MAP2K4: variants seen among roughly 807,000 people sequenced by gnomAD.
MAP2K4 encodes the protein dual specificity mitogen-activated protein kinase kinase 4.
A neutral mutation model predicts 48.5 loss-of-function variants in MAP2K4; 4 were observed. The observed-to-expected ratio is 0.08, with a 90% confidence interval of 0.04 to 0.19. The LOEUF is 0.19. Ranked by LOEUF, MAP2K4 falls within the 10% of genes least tolerant of loss-of-function variation. The probability of loss-of-function intolerance (pLI) is 1.00; values close to 1 mark genes in which losing one functional copy is unlikely to be tolerated. For missense variants in MAP2K4, 258 were observed against 493.3 expected (o/e 0.52, Z 4.52); for synonymous variants, 166 against 173.1 (o/e 0.96, Z 0.32).
At chr17:12,045,232 GA>G (rs1969926643) in intron 1 of MAP2K4, among the ~76,000 whole-genome samples, 1 of 152,012 alleles carries the variant, frequency 6.6e-6, no homozygotes, top group South Asian at 2.1e-4. Context: ...AGCACTGATT[GA>G]AAAAATATTG....
At position 12,081,597 on chromosome 17, in the gene MAP2K4, C is replaced by A. The variant is rs1971187487; in HGVS notation, c.393+67C>A. 6.8e-7 allele frequency: 1 copy of A among 1,480,390 alleles called. No homozygotes were observed. The highest frequency in any genetic ancestry group is 1.2e-5 in the South Asian group (1 of 81,192). The allele number at this position is 1,480,390 out of a possible 1,614,324, so 91.7% of individuals were successfully genotyped here. A position where few individuals can be genotyped will look rare whatever the true frequency, so the allele number is the denominator to read the frequency against. On this transcript the variant is annotated intron_variant, in intron 3 of 10. Transcript: ENST00000353533. This position sits in a 1 kb window ranked among gnomAD's most constrained non-coding sequence, Gnocchi z 4.2. ...GGTGAAATTTCATGGTGCAGTAATA[C>A]CACTGTTGTTGTGTTCCTACTTTTG...
chr17:12,123,404 T>G (rs1972755726), intron 7 of MAP2K4, among the ~76,000 whole-genome samples: 1 of 152,174 alleles, frequency 6.6e-6, no homozygotes, highest in South Asian at 2.1e-4. Flanking sequence ...TTCATTCTGA[T>G]TTTAGTAATT....
chr17:12,041,034 T>C (rs2151516220), intron 1 of MAP2K4, among the ~76,000 whole-genome samples: 1 of 152,376 alleles, frequency 6.6e-6, no homozygotes, highest in Non-Finnish European at 1.5e-5. Context: ...TTCTCTCATG[T>C]ACTGTATACA....
chr17:12,125,657 G>A (rs2151588291), intron 8 of MAP2K4, among the ~76,000 whole-genome samples: 1 of 152,270 alleles, frequency 6.6e-6, no homozygotes, highest in South Asian at 2.1e-4. Context: ...ACTGCACTAA[G>A]AATGGGAACA....
chr17:12,034,516 C>T (rs1243293022), intron 1 of MAP2K4, among the ~76,000 whole-genome samples: 1 of 152,096 alleles, frequency 6.6e-6, no homozygotes, highest in Non-Finnish European at 1.5e-5. Context: ...CTTTATTTTC[C>T]AGTTTTGGGA....
intron 1 of MAP2K4, among the ~76,000 whole-genome samples, chr17:12,042,332 A>C (rs1027306763): frequency 6.6e-6 from 1 of 152,092 alleles, no homozygotes; most frequent in African/African-American, 2.4e-5. Flanking sequence ...AACAGTTATT[A>C]CAGGTAAAGT....
intron 3 of MAP2K4, among the ~76,000 whole-genome samples, chr17:12,092,031 T>C (rs1170267448): frequency 6.6e-6 from 1 of 152,064 alleles, no homozygotes; most frequent in Non-Finnish European, 1.5e-5. Flanking sequence ...GTAAAAGAGC[T>C]CAGTAACCCC....
intron 1 of MAP2K4, among the ~76,000 whole-genome samples, chr17:12,033,948 C>G (rs1389282095): frequency 1.3e-5 from 2 of 152,120 alleles, no homozygotes. Context: ...TGCCACCACA[C>G]CCAGCTCATT....
intron 2 of MAP2K4, among the ~76,000 whole-genome samples, chr17:12,064,602 TCTC>T (rs987571806): frequency 1.3e-5 from 2 of 152,302 alleles, no homozygotes; most frequent in Non-Finnish European, 2.9e-5. Context: ...TAAGCAGAAT[TCTC>T]CTATATTGTT....
chr17:12,091,600 A>G (rs574429943), intron 3 of MAP2K4, among the ~76,000 whole-genome samples: 2 of 152,290 alleles, frequency 1.3e-5, no homozygotes, highest in South Asian at 2.1e-4. Flanking sequence ...CATAATATTA[A>G]TAGTCTTAAA....
intron 1 of MAP2K4, among the ~76,000 whole-genome samples, chr17:12,038,614 T>G (rs1597400639): frequency 1.3e-5 from 2 of 152,162 alleles, no homozygotes; most frequent in East Asian, 3.9e-4. Flanking sequence ...GTATGTTCTT[T>G]GAGAGATTGA....
Position 12,141,697 on chromosome 17 carries a change from C to T in MAP2K4, c.*437C>T, listed in dbSNP as rs563431936. On this transcript the variant is annotated 3_prime_UTR_variant, in exon 11 of 11. Coordinates refer to ENST00000353533, the MANE Select transcript of MAP2K4 (RefSeq NM_003010.4). ...GAAACTCGGGCTTGAGTGAGAAGAG[C>T]TTGCACAGCCAACGAGACACATTGC... is the stretch of plus-strand genomic sequence containing the variant. The T allele has an allele frequency of 3.3e-5, 8 of 241,106 alleles. No homozygotes were observed. The East Asian group carries it at 3.5e-4, about 11-fold the overall frequency. 14.9% of individuals were successfully genotyped at this position (241,106 alleles called of 1,614,324 possible). A position where few individuals can be genotyped will look rare whatever the true frequency, so the allele number is the denominator to read the frequency against.
At chr17:12,130,822 TTCTCATA>T (rs1972997220) in intron 9 of MAP2K4, among the ~76,000 whole-genome samples, 1 of 152,224 alleles carries the variant, frequency 6.6e-6, no homozygotes, top group Non-Finnish European at 1.5e-5. Context: ...TCATTCAGAT[TTCTCATA>T]ATCCAATATT....
rs1299229349 is a variant in MAP2K4, at chr17:12,142,938, GTCTCC to G, written c.*1683_*1687del. ...ACCAAATCGTGGCACGTATTGCTGT[GTCTCC>G]TCTCAGAGTGACAGTCATAAATACT... On this transcript the variant is annotated 3_prime_UTR_variant, in exon 11 of 11. Transcript: ENST00000353533. 2 of 232,664 alleles carry G rather than the reference GTCTCC, an allele frequency of 8.6e-6. No homozygotes were observed. The highest frequency in any genetic ancestry group is 4.4e-5 in the African/African-American group (2 of 45,292). 14.4% of individuals were successfully genotyped at this position (232,664 alleles called of 1,614,324 possible).
chr17:12,113,329 CAA>C lies in MAP2K4; in HGVS notation c.783_784del (p.Asp263CysfsTer4). ...CAGCTTGTGGACTCTATTGCCAAGA[CAA>C]GAGATGCTGGCTGTAGGCCATACAT... On this transcript the variant is annotated frameshift_variant, in exon 7 of 11. Coordinates refer to ENST00000353533, the MANE Select transcript of MAP2K4 (RefSeq NM_003010.4). LOFTEE classifies it high-confidence loss of function. The C allele has an allele frequency of 1.9e-6, 3 of 1,613,748 alleles. No individual in the cohort carries two copies. The highest frequency in any genetic ancestry group is 2.5e-6 in the Non-Finnish European group (3 of 1,179,744).
chr17:12,126,301 A>G (rs759520145), intron 8 of MAP2K4, among the ~76,000 whole-genome samples: 3 of 152,228 alleles, frequency 2.0e-5, no homozygotes, highest in Admixed American at 2.0e-4. Flanking sequence ...AGCAAGCGCA[A>G]TTATATAAAC....
chr17:12,093,739 G>T (rs1971640392), intron 3 of MAP2K4, among the ~76,000 whole-genome samples: 1 of 152,062 alleles, frequency 6.6e-6, no homozygotes, highest in South Asian at 2.1e-4. Flanking sequence ...AGGGTTATTT[G>T]ATTTTTCTTC....
At chr17:12,040,073 C>G (rs1969730372) in intron 1 of MAP2K4, among the ~76,000 whole-genome samples, 1 of 152,160 alleles carries the variant, frequency 6.6e-6, no homozygotes, top group Non-Finnish European at 1.5e-5. Context: ...TGATTTCTTG[C>G]TGGAGCTCTT....
At chr17:12,066,135 TC>T (rs66854415) in intron 2 of MAP2K4, among the ~76,000 whole-genome samples, 23,784 of 147,582 alleles carry the variant, frequency 0.16, 2,151 homozygotes, top group South Asian at 0.29. Flanking sequence ...TTTCTTTCTT[TC>T]TTTTTTTTTT....
Sources: allele counts gnomAD v4.1 joint callset (sites outside exome capture counted in the v4.1 genomes callset), GRCh38; gene constraint gnomAD v4.1.1; non-coding constraint Gnocchi (gnomAD v3.1); transcripts MANE v1.5; gene names NCBI Gene and HGNC (gene_info 2026-07-23, HGNC 2026-07-21).